The following PEPD variants were observed in gnomAD, a reference collection of about 807,000 sequenced individuals.
PEPD encodes peptidase D, also known as xaa-Pro dipeptidase.
Under a neutral mutation model 60.7 loss-of-function variants are expected in PEPD, and 53 were observed. The ratio of observed to expected loss-of-function variants is 0.87; its 90% CI spans 0.70 to 1.10. The LOEUF (loss-of-function observed/expected upper bound fraction) is 1.10. PEPD is among the 50% of genes least tolerant of loss of function. PEPD has a pLI of 0.00. For missense variants in PEPD, 711 were observed against 711.9 expected (o/e 1.00, Z 0.01); for synonymous variants, 267 against 284.1 (o/e 0.94, Z 0.60).
rs1271715148 is a variant in PEPD, at chr19:33,413,624, AGCAGTAGT to A, written c.683_690del (p.His228LeufsTer19). On this transcript the variant is annotated frameshift_variant, in exon 10 of 15. Transcript: ENST00000244137. LOFTEE classifies it high-confidence loss of function. Reference sequence around the variant, plus strand: ...CTGTGGCGCATGCCGCCCCGGGAGTAGCAGTAGTGCTCGAAGAGGCTGCAGGGGGAGAG... The same window carrying A: ...CTGTGGCGCATGCCGCCCCGGGAGTAGCTCGAAGAGGCTGCAGGGGGAGAG... 6.3e-7 allele frequency: 1 copy of A among 1,588,756 alleles called. No homozygotes were observed. Among genetic ancestry groups the A allele is most frequent in the East Asian group, 2.3e-5 (1 of 43,768 alleles).
chr19:33,469,620 C>A (rs1970086388), intron 7 of PEPD, among the ~76,000 whole-genome samples: 1 of 152,082 alleles, frequency 6.6e-6, no homozygotes, highest in Admixed American at 6.5e-5. Context: ...CTCACACGCC[C>A]ACCTGGGGAT....
intron 6 of PEPD, chr19:33,486,867 T>C (rs918370082): frequency 6.6e-6 from 1 of 152,664 alleles, no homozygotes; most frequent in African/African-American, 2.4e-5. Flanking sequence ...TAAGGGGAGC[T>C]GGGGGGGCCC....
intron 6 of PEPD, among the ~76,000 whole-genome samples, chr19:33,480,780 C>G (rs1004002625): frequency 6.6e-6 from 1 of 151,116 alleles, no homozygotes; most frequent in African/African-American, 2.4e-5. Context: ...GGCGACACAG[C>G]AAGACTCCGT....
chr19:33,493,808 C>T lies in PEPD; in HGVS notation c.394-471G>A, dbSNP rs1281943136. 2.0e-5 allele frequency among the ~76,000 whole-genome samples: 3 copies of T among 149,762 alleles called. No individual in the cohort carries two copies. The East Asian group carries it at 6.1e-4, about 31-fold the overall frequency. On this transcript the variant is annotated intron_variant, in intron 4 of 14. Transcript: ENST00000244137. ...CCCAAGGGAGTTGGCCTTCCCCAAT[C>T]CCACCCTCTGGCCCCCACCCCACAG...
chr19:33,453,317 A>AAAAAAAAATAAATAAAT (rs1555762504), intron 9 of PEPD, among the ~76,000 whole-genome samples: 10 of 148,656 alleles, frequency 6.7e-5, no homozygotes, highest in African/African-American at 2.5e-4. Flanking sequence ...CTGTCATAAA[A>AAAAAAAAATAAATAAAT]AAATAAATAA....
intron 7 of PEPD, among the ~76,000 whole-genome samples, chr19:33,465,338 A>G (rs1193634398): frequency 4.6e-5 from 7 of 152,184 alleles, no homozygotes; most frequent in Non-Finnish European, 1.0e-4. Flanking sequence ...CAGCAGGCAA[A>G]CGCAGCTTCC....
chr19:33,488,293 AG>A (rs1163699527), intron 6 of PEPD, among the ~76,000 whole-genome samples: 3 of 152,148 alleles, frequency 2.0e-5, no homozygotes. Flanking sequence ...GCCAGGCTCC[AG>A]GTGAGCATGA....
chr19:33,424,920 G>C (rs1253000730), intron 9 of PEPD, among the ~76,000 whole-genome samples: 1 of 151,878 alleles, frequency 6.6e-6, no homozygotes, highest in African/African-American at 2.4e-5. Context: ...GAACAGTATG[G>C]GGGAAAGCAC....
At position 33,478,174 on chromosome 19, in the gene PEPD, C is replaced by T. The variant is rs549565751; in HGVS notation, c.504-84G>A. On this transcript the variant is annotated intron_variant, in intron 6 of 14. Transcript: ENST00000244137. ...AACTACCTCATTCAAGACATGCACA[C>T]GTGATGCATTAAAGAGGGTCCCACA... 92 of 859,754 alleles carry T rather than the reference C, an allele frequency of 1.1e-4. 2 individuals carry two copies. In the South Asian group the frequency reaches 1.1e-3, roughly 10 times the overall value. The allele number at this position is 859,754 out of a possible 1,614,324, so 53.3% of individuals were successfully genotyped here. A position where few individuals can be genotyped will look rare whatever the true frequency, so the allele number is the denominator to read the frequency against.
chr19:33,520,460 A>G (rs1024101444), intron 1 of PEPD, among the ~76,000 whole-genome samples: 3 of 152,238 alleles, frequency 2.0e-5, no homozygotes, highest in African/African-American at 7.2e-5. Flanking sequence ...ATCTGAGCTC[A>G]GAGTCCATGC....
chr19:33,403,523 A>C (rs1350768813), intron 11 of PEPD, among the ~76,000 whole-genome samples: 1 of 152,120 alleles, frequency 6.6e-6, no homozygotes, highest in East Asian at 1.9e-4. Flanking sequence ...CAACCACTCC[A>C]CAAACATTCC....
Position 33,478,041 on chromosome 19 carries a change from C to A in PEPD, c.548+5G>T. The A allele has an allele frequency of 6.2e-7, 1 of 1,603,404 alleles. No individual in the cohort carries two copies. Among genetic ancestry groups the A allele is most frequent in the East Asian group, 2.2e-5 (1 of 44,798 alleles). ...ACAGGCAAGGTGACCACAGGCCGTA[C>A]TCACCACTCAACGATCTCTGGGTGA... On this transcript the variant is annotated splice_donor_5th_base_variant and intron_variant, in intron 7 of 14. Coordinates refer to ENST00000244137, the MANE Select transcript of PEPD (RefSeq NM_000285.4).
At chr19:33,410,001 C>T (rs1600092612) in intron 11 of PEPD, among the ~76,000 whole-genome samples, 2 of 152,256 alleles carry the variant, frequency 1.3e-5, no homozygotes, top group Admixed American at 1.3e-4. Context: ...CTCTGACCCT[C>T]CCAGCCCCGA....
intron 12 of PEPD, among the ~76,000 whole-genome samples, chr19:33,397,211 C>T (rs564090367): frequency 1.3e-5 from 2 of 152,250 alleles, no homozygotes; most frequent in East Asian, 1.9e-4. Flanking sequence ...AATGCTCCCC[C>T]ACCAGCCCTA....
chr19:33,387,862 A>C lies in PEPD; in HGVS notation c.1344+28T>G, dbSNP rs1436238543. The C allele has an allele frequency of 2.0e-6, 3 of 1,533,082 alleles. No homozygotes were observed. The South Asian group carries it at 3.6e-5, about 18-fold the overall frequency. The allele number at this position is 1,533,082 out of a possible 1,614,324, so 95.0% of individuals were successfully genotyped here. ...CAGTGGAGGTGGCAGATGTTCTGGG[A>C]GCAAGAATGGGGCCCGTGGGCACTC... is the stretch of plus-strand genomic sequence containing the variant. On this transcript the variant is annotated intron_variant, in intron 14 of 14. Coordinates refer to ENST00000244137, the MANE Select transcript of PEPD (RefSeq NM_000285.4).
At chr19:33,424,500 C>G (rs73588215) in intron 9 of PEPD, among the ~76,000 whole-genome samples, 1,931 of 152,304 alleles carry the variant, frequency 0.013, 40 homozygotes, top group African/African-American at 0.043. Context: ...TCCATGCTGA[C>G]TGTAGAGATG....
intron 9 of PEPD, among the ~76,000 whole-genome samples, chr19:33,445,767 T>A (rs536429829): frequency 6.6e-6 from 1 of 152,270 alleles, no homozygotes; most frequent in Non-Finnish European, 1.5e-5. Context: ...AGTGAGTGTG[T>A]GAACCACCAG....
At chr19:33,391,607 C>A in intron 12 of PEPD, 128 bp from the exon 13 acceptor site, 2 of 853,760 alleles carry the variant, frequency 2.3e-6, no homozygotes, top group Non-Finnish European at 1.9e-6. Flanking sequence ...GGTGAGGGGG[C>A]AAGGGTACTA....
intron 9 of PEPD, among the ~76,000 whole-genome samples, chr19:33,462,008 C>T (rs1969934452): frequency 2.0e-5 from 3 of 152,336 alleles, no homozygotes; most frequent in Admixed American, 6.5e-5. Flanking sequence ...GACACTCGTC[C>T]CCTAAGCACA....
Sources: gnomAD v4.1 joint callset for allele counts (sites outside exome capture counted in the v4.1 genomes callset) on GRCh38, gnomAD v4.1.1 for gene constraint, MANE v1.5 for transcripts, NCBI Gene and HGNC (gene_info 2026-07-23, HGNC 2026-07-21) for gene names.